MYO5B: variants seen among roughly 807,000 people sequenced by gnomAD.
MYO5B encodes the protein unconventional myosin-Vb.
A neutral mutation model predicts 229.3 loss-of-function variants in MYO5B; 143 were observed. The observed-to-expected ratio is 0.62, with a 90% CI of 0.54 to 0.72. The LOEUF is 0.72. MYO5B is among the 30% of genes least tolerant of loss of function. The pLI, the probability that MYO5B is intolerant of heterozygous loss-of-function variation, is 0.00. For missense variants in MYO5B, 2,321 were observed against 2,331.0 expected, an observed-to-expected ratio of 1.00 and a Z score of 0.09; for synonymous variants, 918 against 885.2, an observed-to-expected ratio of 1.04 and a Z score of -0.66.
At chr18:49,939,438 C>T (rs145826606) in intron 14 of MYO5B, among the ~76,000 whole-genome samples, 314 of 152,256 alleles carry the variant, frequency 2.1e-3, no homozygotes, top group African/African-American at 7.2e-3. Flanking sequence ...GCCACCATGC[C>T]CGGCCTACAT....
intron 2 of MYO5B, among the ~76,000 whole-genome samples, chr18:50,050,827 G>A (rs1368965083): frequency 6.6e-6 from 1 of 152,154 alleles, no homozygotes; most frequent in Non-Finnish European, 1.5e-5. Flanking sequence ...TAAAAGGGAG[G>A]ACAAACTCAT....
At chr18:49,981,416 G>A (rs2025813293) in intron 8 of MYO5B, among the ~76,000 whole-genome samples, 1 of 152,152 alleles carries the variant, frequency 6.6e-6, no homozygotes, top group South Asian at 2.1e-4. Flanking sequence ...GTAAAAATGG[G>A]AGGCACAGAT....
intron 3 of MYO5B, among the ~76,000 whole-genome samples, chr18:50,037,726 C>G (rs1047802221): frequency 1.3e-5 from 2 of 152,144 alleles, no homozygotes; most frequent in Non-Finnish European, 2.9e-5. Context: ...ACAGTGAGAC[C>G]TCTTCTCTAC....
chr18:50,010,596 T>G (rs2026151205), intron 4 of MYO5B, among the ~76,000 whole-genome samples: 3 of 152,198 alleles, frequency 2.0e-5, no homozygotes, highest in Non-Finnish European at 2.9e-5. Flanking sequence ...TCAACTGAAG[T>G]TTATAGAACT....
chr18:49,990,671 C>CA (rs1199958039), intron 6 of MYO5B, 151 bp from the exon 7 acceptor site: 20 of 695,098 alleles, frequency 2.9e-5, no homozygotes, highest in Non-Finnish European at 2.4e-5. Flanking sequence ...CTTCAATTCC[C>CA]ACTTTCCGAC....
At chr18:49,897,497 G>C (rs1233698209) in intron 21 of MYO5B, among the ~76,000 whole-genome samples, 1 of 151,614 alleles carries the variant, frequency 6.6e-6, no homozygotes, top group African/African-American at 2.4e-5. Context: ...ATATGTATGG[G>C]GTATATAAAA....
chr18:50,029,304 A>T (rs1247820785), intron 4 of MYO5B, among the ~76,000 whole-genome samples: 2 of 152,172 alleles, frequency 1.3e-5, no homozygotes, highest in African/African-American at 4.8e-5. Flanking sequence ...GGGACAAGTG[A>T]ACAGCCCGGA....
intron 22 of MYO5B, among the ~76,000 whole-genome samples, chr18:49,882,353 C>A (rs796283812): frequency 0.18 from 27,782 of 151,506 alleles, 2,762 homozygotes; most frequent in East Asian, 0.42. Flanking sequence ...CGGCCAGGTA[C>A]CGTGCGTGGC....
At chr18:50,023,428 C>T (rs1287256003) in intron 4 of MYO5B, among the ~76,000 whole-genome samples, 2 of 152,116 alleles carry the variant, frequency 1.3e-5, no homozygotes, top group Non-Finnish European at 2.9e-5. Flanking sequence ...TATTATCAAC[C>T]ATCATAGTAT....
chr18:50,146,270 G>A lies in MYO5B; in HGVS notation c.27+48497C>T, dbSNP rs75884307. On this transcript the variant is annotated intron_variant, in intron 1 of 39. Transcript: ENST00000285039. The stretch of plus-strand genomic sequence containing the variant: ...TGGGGAAATCAAAACCCAGGGTGGC[G>A]AAGTCACCTGCCCAAGGTCACACAG... 7.6e-3 allele frequency among the ~76,000 whole-genome samples: 1,156 copies of A among 152,298 alleles called. 16 individuals are homozygous for A. The highest frequency in any genetic ancestry group is 0.026 in the African/African-American group (1,092 of 41,546).
At chr18:49,839,407 G>A in intron 35 of MYO5B, 113 bp from the exon 36 acceptor site, 1 of 1,175,916 alleles carries the variant, frequency 8.5e-7, no homozygotes, top group Non-Finnish European at 1.3e-6. Flanking sequence ...GCCTACTCAG[G>A]CCCTCCCTAT....
intron 14 of MYO5B, among the ~76,000 whole-genome samples, chr18:49,941,198 A>T (rs1284076610): frequency 6.6e-6 from 1 of 152,106 alleles, no homozygotes; most frequent in Non-Finnish European, 1.5e-5. Flanking sequence ...GAAGCATCCA[A>T]TTTCCATTTT....
intron 24 of MYO5B, 38 bp from the exon 25 acceptor site, chr18:49,877,920 T>C: frequency 6.2e-7 from 1 of 1,613,666 alleles, no homozygotes; most frequent in Non-Finnish European, 8.5e-7. Flanking sequence ...CATTAGGAAC[T>C]AATGTTCATG....
chr18:50,055,459 C>A, intron 1 of MYO5B, 81 bp from the exon 2 acceptor site: 1 of 1,159,874 alleles, frequency 8.6e-7, no homozygotes, highest in Admixed American at 1.8e-5. Flanking sequence ...CTAGAAAGTG[C>A]CCATCAGGAG....
At chr18:50,087,012 C>T (rs1366682917) in intron 1 of MYO5B, among the ~76,000 whole-genome samples, 4 of 152,198 alleles carry the variant, frequency 2.6e-5, no homozygotes, top group African/African-American at 9.7e-5. Flanking sequence ...AAGAGACTCA[C>T]AATAATAGCA....
At chr18:50,030,324 T>C (rs2026373611) in intron 4 of MYO5B, among the ~76,000 whole-genome samples, 1 of 148,256 alleles carries the variant, frequency 6.7e-6, no homozygotes, top group Non-Finnish European at 1.5e-5. Flanking sequence ...CAGGAATTTC[T>C]CTCATTGCCC....
chr18:50,087,353 C>G (rs892597086), intron 1 of MYO5B, among the ~76,000 whole-genome samples: 1 of 152,132 alleles, frequency 6.6e-6, no homozygotes, highest in South Asian at 2.1e-4. Context: ...GGGTAGATCA[C>G]GAAGCAGGAG....
intron 39 of MYO5B, among the ~76,000 whole-genome samples, chr18:49,832,309 A>C (rs553297400): frequency 2.1e-4 from 32 of 152,212 alleles, no homozygotes; most frequent in African/African-American, 7.5e-4. Flanking sequence ...ACTGGCACAT[A>C]GTAAGTGCTG....
chr18:50,022,420 C>T, intron 4 of MYO5B, among the ~76,000 whole-genome samples: 1 of 152,208 alleles, frequency 6.6e-6, no homozygotes, highest in East Asian at 1.9e-4. Context: ...TACATTAATA[C>T]ACTTTTCTCT....
Sources: allele counts gnomAD v4.1 joint callset (sites outside exome capture counted in the v4.1 genomes callset), GRCh38; gene constraint gnomAD v4.1.1; transcripts MANE v1.5; gene names NCBI Gene and HGNC (gene_info 2026-07-23, HGNC 2026-07-21).